Variants in PCSK2 observed in about 807,000 individuals in gnomAD.
PCSK2 encodes the protein neuroendocrine convertase 2.
PCSK2 carries 14 observed loss-of-function variants against 69.7 expected under a neutral mutation model. The ratio of observed to expected loss-of-function variants is 0.20; its 90% CI spans 0.13 to 0.31. PCSK2 has a LOEUF of 0.31. Among genes scored for constraint, PCSK2 ranks in the 10% least tolerant of loss-of-function variants. PCSK2 has a pLI of 1.00. For missense variants in PCSK2, 544 were observed against 842.5 expected, an observed-to-expected ratio of 0.65 and a Z score of 4.39; for synonymous variants, 307 against 320.7, an observed-to-expected ratio of 0.96 and a Z score of 0.46.
intron 2 of PCSK2, among the ~76,000 whole-genome samples, chr20:17,267,704 G>A (rs1356009918): frequency 6.6e-6 from 1 of 152,050 alleles, no homozygotes; most frequent in East Asian, 1.9e-4. Context: ...TACTGTTCGT[G>A]CTGTCATGCT....
At chr20:17,256,613 C>G (rs1229547333) in intron 1 of PCSK2, among the ~76,000 whole-genome samples, 2 of 151,800 alleles carry the variant, frequency 1.3e-5, no homozygotes, top group African/African-American at 4.8e-5. Flanking sequence ...CACCCCCACC[C>G]CTGTTTTTTT....
chr20:17,265,718 A>G (rs1987572972), intron 2 of PCSK2, among the ~76,000 whole-genome samples: 1 of 152,160 alleles, frequency 6.6e-6, no homozygotes, highest in South Asian at 2.1e-4. Flanking sequence ...TAACCACTCC[A>G]TGGTGCTGCT....
rs748125288 is a variant in PCSK2, at chr20:17,436,796, C to T, written c.798C>T (p.Ser266=). The T allele has an allele frequency of 1.3e-5, 21 of 1,613,832 alleles. No homozygotes were observed. The highest frequency in any genetic ancestry group is 4.4e-5 in the South Asian group (4 of 91,090). The change falls in exon 8 of 12, where the codon AGC becomes AGT. Residue 266 remains serine, a synonymous_variant. Transcript: ENST00000262545. ...SHMPQLIDIY[S]ASWGPTDNGK... ...TGCCACAGCTGATTGACATCTACAG[C>T]GCCAGCTGGGGCCCCACAGACAACG...
At chr20:17,244,002 T>C (rs1297853359) in intron 1 of PCSK2, among the ~76,000 whole-genome samples, 3 of 152,184 alleles carry the variant, frequency 2.0e-5, no homozygotes, top group Admixed American at 2.0e-4. Flanking sequence ...GTTGGCAACA[T>C]ATCAGTGATG....
chr20:17,333,208 G>A (rs999307370), intron 2 of PCSK2, among the ~76,000 whole-genome samples: 13 of 152,104 alleles, frequency 8.5e-5, no homozygotes, highest in African/African-American at 1.2e-4. Flanking sequence ...TGCATATGTC[G>A]TATGTGTAGA....
intron 5 of PCSK2, among the ~76,000 whole-genome samples, chr20:17,408,330 A>G (rs1403953010): frequency 1.3e-5 from 2 of 152,146 alleles, no homozygotes; most frequent in Non-Finnish European, 2.9e-5. Flanking sequence ...TCACTAAACA[A>G]TGGTGGATCA....
At chr20:17,391,089 G>C (rs771349983) in intron 5 of PCSK2, among the ~76,000 whole-genome samples, 7 of 152,186 alleles carry the variant, frequency 4.6e-5, no homozygotes, top group Non-Finnish European at 8.8e-5. Context: ...ATCCTTGTGT[G>C]AATATCCCTT....
At chr20:17,450,891 A>G (rs953132717) in intron 8 of PCSK2, among the ~76,000 whole-genome samples, 1 of 152,134 alleles carries the variant, frequency 6.6e-6, no homozygotes, top group Non-Finnish European at 1.5e-5. Context: ...TGGGGGGGAC[A>G]TATAAGTTCA....
intron 2 of PCSK2, among the ~76,000 whole-genome samples, chr20:17,296,715 TATC>T (rs1334123549): frequency 6.6e-6 from 1 of 152,190 alleles, no homozygotes; most frequent in East Asian, 1.9e-4. Flanking sequence ...TTAAATTAAT[TATC>T]ATAATTTTTT....
chr20:17,462,271 A>G (rs1168043354), intron 10 of PCSK2, among the ~76,000 whole-genome samples: 1 of 152,190 alleles, frequency 6.6e-6, no homozygotes, highest in Non-Finnish European at 1.5e-5. Flanking sequence ...GAACCTGGAC[A>G]TCATTTTTTT....
At chr20:17,272,585 AT>A (rs1412463138) in intron 2 of PCSK2, among the ~76,000 whole-genome samples, 2 of 152,096 alleles carry the variant, frequency 1.3e-5, no homozygotes, top group Admixed American at 6.6e-5. Context: ...GTCATCTATG[AT>A]TTTGATCAGC....
chr20:17,370,992 T>C (rs1252524139), intron 5 of PCSK2, among the ~76,000 whole-genome samples: 1 of 152,144 alleles, frequency 6.6e-6, no homozygotes, highest in African/African-American at 2.4e-5. Context: ...GACAGAGGCA[T>C]TGATATTCTC....
chr20:17,338,291 G>T (rs1384713803), intron 2 of PCSK2, among the ~76,000 whole-genome samples: 2 of 152,064 alleles, frequency 1.3e-5, no homozygotes, highest in East Asian at 3.9e-4. Context: ...CCGCCTCCCA[G>T]GTTCAAGCAG....
At chr20:17,455,677 C>T (rs1396073134) in intron 9 of PCSK2, among the ~76,000 whole-genome samples, 1 of 152,186 alleles carries the variant, frequency 6.6e-6, no homozygotes, top group African/African-American at 2.4e-5. Context: ...TGCAACAAAA[C>T]TAGGGTGGGG....
chr20:17,358,204 T>C (rs756454924), intron 2 of PCSK2, 123 bp from the exon 3 acceptor site: 19 of 634,284 alleles, frequency 3.0e-5, no homozygotes, highest in Non-Finnish European at 4.3e-5. Flanking sequence ...TGAGATGAAC[T>C]TGCTTTTGCC....
intron 5 of PCSK2, among the ~76,000 whole-genome samples, chr20:17,371,398 A>G (rs1467618016): frequency 6.6e-6 from 1 of 152,182 alleles, no homozygotes; most frequent in Non-Finnish European, 1.5e-5. Context: ...CTTCATCTGA[A>G]ATTGGAATGT....
At chr20:17,276,411 C>T (rs543543164) in intron 2 of PCSK2, among the ~76,000 whole-genome samples, 1 of 150,456 alleles carries the variant, frequency 6.6e-6, no homozygotes, top group Non-Finnish European at 1.5e-5. Context: ...TATGGGCTTT[C>T]TTCTATGGAA....
intron 2 of PCSK2, among the ~76,000 whole-genome samples, chr20:17,310,738 T>A (rs1364658054): frequency 6.6e-6 from 1 of 151,178 alleles, no homozygotes; most frequent in Admixed American, 6.6e-5. Flanking sequence ...ACACCTGTAA[T>A]CCCAGCACTT....
chr20:17,432,226 G>C (rs2032382387), intron 7 of PCSK2, among the ~76,000 whole-genome samples: 1 of 152,152 alleles, frequency 6.6e-6, no homozygotes, highest in Non-Finnish European at 1.5e-5. Flanking sequence ...CAAGGCTCCT[G>C]TCTTTTTCTT....
Sources: allele counts gnomAD v4.1 joint callset (sites outside exome capture counted in the v4.1 genomes callset), GRCh38; gene constraint gnomAD v4.1.1; transcripts MANE v1.5; gene names NCBI Gene and HGNC (gene_info 2026-07-23, HGNC 2026-07-21).